TANC2: variants seen among roughly 807,000 people sequenced by gnomAD.
TANC2 encodes the protein protein TANC2.
A neutral mutation model predicts 210.5 loss-of-function variants in TANC2; 26 were observed. The observed-to-expected ratio is 0.12, with a 90% CI of 0.09 to 0.17. TANC2 has a LOEUF of 0.17. Among genes scored for constraint, TANC2 ranks in the 10% least tolerant of loss-of-function variants. TANC2 has a pLI of 1.00. For synonymous variants in TANC2, 931 were observed against 967.1 expected (o/e 0.96, Z 0.69); for missense variants, 2,129 against 2,608.9 (o/e 0.82, Z 4.01).
At chr17:63,273,679 C>T (rs1019224752) in intron 9 of TANC2, among the ~76,000 whole-genome samples, 2 of 152,188 alleles carry the variant, frequency 1.3e-5, no homozygotes, top group Non-Finnish European at 2.9e-5. Context: ...CTCTACACCT[C>T]CAAAGAGCTC....
chr17:63,272,153 C>T (rs1020437212), intron 9 of TANC2, among the ~76,000 whole-genome samples: 2 of 152,084 alleles, frequency 1.3e-5, no homozygotes, highest in African/African-American at 4.8e-5. Context: ...AGGAAGGGAT[C>T]CAGTTTCAGT....
Position 63,412,589 on chromosome 17 carries a change from CACT to C in TANC2, c.3899-90_3899-88del. ...TGCTGGCTTTGTGCTGCCTGCCTCT[CACT>C]GCTGCTTTTTCCTTCTTTTTTTTTT... is the stretch of plus-strand genomic sequence containing the variant. On this transcript the variant is annotated intron_variant, in intron 23 of 27. Transcript: ENST00000689528. This position sits in a 1 kb window ranked among gnomAD's most constrained non-coding sequence, Gnocchi z 4.2. The C allele has an allele frequency of 7.9e-7, 1 of 1,266,622 alleles. No homozygotes were observed. The allele number at this position is 1,266,622 out of a possible 1,614,324, so 78.5% of individuals were successfully genotyped here. A position where few individuals can be genotyped will look rare whatever the true frequency, so the allele number is the denominator to read the frequency against.
At chr17:63,140,629 T>C (rs1250287407) in intron 4 of TANC2, among the ~76,000 whole-genome samples, 2 of 152,224 alleles carry the variant, frequency 1.3e-5, no homozygotes, top group Non-Finnish European at 2.9e-5. Context: ...GACCAGGATA[T>C]TGGTGGGCAC....
chr17:63,182,470 C>T (rs1043829943), intron 5 of TANC2: 2 of 276,866 alleles, frequency 7.2e-6, no homozygotes, highest in Admixed American at 3.6e-5. Context: ...CCAGATGATG[C>T]CTTCAGGGAC....
chr17:63,421,682 T>A lies in TANC2; in HGVS notation c.5952T>A (p.Ile1984=), dbSNP rs199577259. Residue 1984 remains isoleucine (I), a synonymous_variant, in exon 28 of 28, where the codon ATT becomes ATA. Transcript: ENST00000689528. The surrounding 1 kb of genome is among the most constrained non-coding windows in gnomAD (Gnocchi z 6.9). Reference sequence around the variant, plus strand: ...GTCCACCATCATCCATCAGCAACATTGCCTTTTATAACAAAACCAACAATG... The same window carrying A: ...GTCCACCATCATCCATCAGCAACATAGCCTTTTATAACAAAACCAACAATG... The A allele has an allele frequency of 2.0e-4, 323 of 1,614,022 alleles. 3 individuals carry two copies. In the East Asian group the frequency reaches 4.1e-3, roughly 21 times the overall value.
At chr17:62,996,516 C>T (rs1445230718) in intron 1 of TANC2, among the ~76,000 whole-genome samples, 1 of 152,110 alleles carries the variant, frequency 6.6e-6, no homozygotes, top group African/African-American at 2.4e-5. Context: ...TTGTTCTAAC[C>T]ATGAAGCATC....
At chr17:63,316,470 C>CCCATGTACT (rs1375789727) in intron 10 of TANC2, among the ~76,000 whole-genome samples, 1 of 152,122 alleles carries the variant, frequency 6.6e-6, no homozygotes, top group Non-Finnish European at 1.5e-5. Context: ...TAGAAAACAG[C>CCCATGTACT]CCATGTACTC....
chr17:63,145,501 A>G (rs2039434736), intron 4 of TANC2, among the ~76,000 whole-genome samples: 1 of 152,134 alleles, frequency 6.6e-6, no homozygotes, highest in Non-Finnish European at 1.5e-5. Flanking sequence ...CTATAGTTCA[A>G]ATCTTTTCTT....
At chr17:63,078,245 T>A (rs941164726) in intron 3 of TANC2, among the ~76,000 whole-genome samples, 7 of 152,190 alleles carry the variant, frequency 4.6e-5, no homozygotes, top group Non-Finnish European at 8.8e-5. Flanking sequence ...CATTTTAATA[T>A]CTGCATAATC....
chr17:63,180,177 T>C (rs1244954008), intron 5 of TANC2, among the ~76,000 whole-genome samples: 2 of 152,166 alleles, frequency 1.3e-5, no homozygotes, highest in African/African-American at 4.8e-5. Flanking sequence ...CTAGCCTTAA[T>C]GCCATTGCTC....
At chr17:63,043,311 G>T (rs2144286993) in intron 2 of TANC2, among the ~76,000 whole-genome samples, 1 of 152,088 alleles carries the variant, frequency 6.6e-6, no homozygotes, top group South Asian at 2.1e-4. Flanking sequence ...AGTAATTGAT[G>T]TACAGATAAT....
chr17:63,210,676 CT>C (rs2041858893), intron 7 of TANC2, among the ~76,000 whole-genome samples: 1 of 151,970 alleles, frequency 6.6e-6, no homozygotes, highest in Non-Finnish European at 1.5e-5. Flanking sequence ...AAAGAGTAAC[CT>C]TTTTTTCTAT....
chr17:63,389,388 T>C (rs953999116), exon 17 of TANC2: 8 of 1,613,890 alleles, frequency 5.0e-6, no homozygotes, highest in Non-Finnish European at 6.8e-6. Context: ...TTCTATGTGT[T>C]CAGTCCCATC....
rs1197083875 is a variant in TANC2 at position 63,412,665 on chromosome 17, C to CTCCTTTCTTTGAAGGTTG, written c.3899-12_3904dup. On this transcript the variant is annotated splice_polypyrimidine_tract_variant and intron_variant, in intron 23 of 27. Coordinates refer to ENST00000689528, the Ensembl canonical transcript of TANC2. This position sits in a 1 kb window ranked among gnomAD's most constrained non-coding sequence, Gnocchi z 4.2. ...TTCCTCTCCTACAACTTTTTGTTTTCTCCTTTCTTTGAAGGTTGTCAGACG... is the reference window on the plus strand; with the variant it reads ...TTCCTCTCCTACAACTTTTTGTTTTCTCCTTTCTTTGAAGGTTGTCCTTTCTTTGAAGGTTGTCAGACG... 6.7e-7 allele frequency: 1 copy of CTCCTTTCTTTGAAGGTTG among 1,502,330 alleles called. No homozygotes were observed. The highest frequency in any genetic ancestry group is 8.8e-7 in the Non-Finnish European group (1 of 1,130,232). The allele number at this position is 1,502,330 out of a possible 1,614,324, so 93.1% of individuals were successfully genotyped here. A position where few individuals can be genotyped will look rare whatever the true frequency, so the allele number is the denominator to read the frequency against.
intron 1 of TANC2, among the ~76,000 whole-genome samples, chr17:63,002,806 C>T (rs2033447028): frequency 6.6e-6 from 1 of 152,168 alleles, no homozygotes; most frequent in Admixed American, 6.5e-5. Flanking sequence ...TCTGTGTTGA[C>T]TGTATGAGTA....
chr17:63,212,423 T>C (rs1177136137), intron 7 of TANC2, among the ~76,000 whole-genome samples: 1 of 152,234 alleles, frequency 6.6e-6, no homozygotes, highest in South Asian at 2.1e-4. Context: ...TATAGAAATA[T>C]GTTCATTCAA....
intron 14 of TANC2, among the ~76,000 whole-genome samples, chr17:63,377,916 A>G (rs1238517060): frequency 6.6e-6 from 1 of 152,204 alleles, no homozygotes; most frequent in African/African-American, 2.4e-5. Context: ...CCAGCCAGGG[A>G]AATGCCAGAC....
At chr17:63,215,324 C>T (rs2041996632) in intron 7 of TANC2, among the ~76,000 whole-genome samples, 1 of 152,084 alleles carries the variant, frequency 6.6e-6, no homozygotes, top group Admixed American at 6.6e-5. Flanking sequence ...TTTTATTGAA[C>T]AATGTGATAA....
intron 14 of TANC2, among the ~76,000 whole-genome samples, chr17:63,373,474 G>T (rs1282013685): frequency 6.6e-6 from 1 of 151,970 alleles, no homozygotes; most frequent in Non-Finnish European, 1.5e-5. Flanking sequence ...ATCTTAGTGT[G>T]GTAATTGAAC....
Sources: gnomAD v4.1 joint callset for allele counts (sites outside exome capture counted in the v4.1 genomes callset) on GRCh38, gnomAD v4.1.1 for gene constraint, Gnocchi (gnomAD v3.1) non-coding constraint, MANE v1.5 for transcripts, NCBI Gene and HGNC (gene_info 2026-07-23, HGNC 2026-07-21) for gene names.